The following ANO8 variants were observed in gnomAD, a reference collection of about 807,000 sequenced individuals.
ANO8 encodes the protein anoctamin-8.
A neutral mutation model predicts 120.4 loss-of-function variants in ANO8; 67 were observed. The ratio of observed to expected loss-of-function variants is 0.56; its 90% CI spans 0.46 to 0.68. ANO8 has a LOEUF of 0.68. ANO8 is among the 30% of genes least tolerant of loss of function. The probability of loss-of-function intolerance (pLI) is 0.00; values close to 1 mark genes in which losing one functional copy is unlikely to be tolerated. For missense variants in ANO8, 1,526 were observed against 1,737.6 expected (o/e 0.88, Z 2.16); for synonymous variants, 727 against 759.2 (o/e 0.96, Z 0.70).
Position 17,324,578 on chromosome 19 carries a change from G to T in ANO8, c.3331+139C>A, listed in dbSNP as rs1347792605. On this transcript the variant is annotated intron_variant, in intron 17 of 17. Coordinates refer to ENST00000159087, the MANE Select transcript of ANO8 (RefSeq NM_020959.3). The stretch of plus-strand genomic sequence containing the variant: ...GCAGGCTTTAACTGAGAGGCTCCAC[G>T]TACCACTGACCCAGGTCCCCACCAG... The T allele has an allele frequency of 5.0e-6, 7 of 1,398,962 alleles. No homozygotes were observed. In the East Asian group the frequency reaches 1.2e-4, roughly 24 times the overall value. The allele number at this position is 1,398,962 out of a possible 1,614,324, so 86.7% of individuals were successfully genotyped here.
At position 17,330,411 on chromosome 19, in the gene ANO8, G is replaced by A; in HGVS notation, c.1087C>T (p.Leu363=). The A allele has an allele frequency of 1.9e-6, 3 of 1,578,758 alleles. No homozygotes were observed. Among genetic ancestry groups the A allele is most frequent in the Non-Finnish European group, 2.6e-6 (3 of 1,162,728 alleles). The change falls in exon 9 of 18, where the codon CTG becomes TTG. Residue 363 remains leucine (L), a synonymous_variant. Transcript: ENST00000159087. ...ACACAGACGAGGCACGCCAGGCACA[G>A]GGGGAGGCTCACAAGCAGCTGGAAG... The part of the protein sequence containing the change: ...LLFQLLVSLP[L]CLACLVCVFL...
rs372622204 is a variant in ANO8, at chr19:17,327,710, C to T, written c.2397G>A (p.Val799=). The T allele has an allele frequency of 6.2e-6, 10 of 1,613,564 alleles. No individual in the cohort carries two copies. Among genetic ancestry groups the T allele is most frequent in the Non-Finnish European group, 8.5e-6 (10 of 1,179,804 alleles). Residue 799 remains valine (V), a synonymous_variant, in exon 14 of 18, where the codon GTG becomes GTA. Coordinates refer to ENST00000159087, the MANE Select transcript of ANO8 (RefSeq NM_020959.3). ...TGLQRPFGQR[V]ESIGQWQKVM... Reference sequence around the variant, plus strand: ...CCACCTGCCACTGGCCGATGCTTTCCACGCGCTGGCCGAAGGGCCGCTGCA... The same window carrying T: ...CCACCTGCCACTGGCCGATGCTTTCTACGCGCTGGCCGAAGGGCCGCTGCA...
In ANO8 at chr19:17,328,560, A is replaced by C; in HGVS notation, c.1828T>G (p.Cys610Gly). 6.5e-7 allele frequency: 1 copy of C among 1,547,706 alleles called. No homozygotes were observed. The highest frequency in any genetic ancestry group is 8.7e-7 in the Non-Finnish European group (1 of 1,146,838). ...CTGACCTTCTTCAGCCGGAGCCCGC[A>C]GTCCAGGAGGCCCCCTTCCTCGCCC... ...EEGEEGGLLD[C>G]GLRLKKVSFA... The change falls in exon 13 of 18, where the codon TGC (cysteine) becomes GGC (glycine). Residue 610 changes from cysteine (C) to glycine (G), a missense_variant. Cys to Gly is a radical substitution (Grantham distance 159). This residue lies in a region of ANO8 where 467 missense variants were observed against 425.8 expected (regional missense o/e 1.10). Transcript: ENST00000159087.
At chr19:17,334,431 A>C (rs2074345654) in intron 1 of ANO8, 134 bp downstream of exon 1, 1 of 785,674 alleles carries the variant, frequency 1.3e-6, no homozygotes. Flanking sequence ...CCGCAGCCGC[A>C]GTGCCGGGAG....
rs781078416 is a variant in ANO8 at position 17,332,924 on chromosome 19, G to A, written c.586+6C>T. On this transcript the variant is annotated splice_donor_region_variant and intron_variant, in intron 5 of 17. Coordinates refer to ENST00000159087, the MANE Select transcript of ANO8 (RefSeq NM_020959.3). Reference sequence around the variant, plus strand: ...CTGTGATTGGTGTTGACCCCGCCCTGCTCACTGATTGGCTGGTCCTCCAGG... The same window carrying A: ...CTGTGATTGGTGTTGACCCCGCCCTACTCACTGATTGGCTGGTCCTCCAGG... 8.1e-6 allele frequency: 13 copies of A among 1,613,952 alleles called. No homozygotes were observed. In the South Asian group the frequency reaches 1.1e-4, roughly 14 times the overall value.
At chr19:17,324,696 C>T (rs1170849593) in intron 17 of ANO8, 21 bp downstream of exon 17, 3 of 1,515,836 alleles carry the variant, frequency 2.0e-6, no homozygotes, top group Admixed American at 4.5e-5. Context: ...GCGTCCCCAC[C>T]CCCGAGTTAA....
rs1327403180 is a variant in ANO8 at position 17,330,845 on chromosome 19, G to T, written c.976C>A (p.Pro326Thr). 6.2e-7 allele frequency: 1 copy of T among 1,613,922 alleles called. No individual in the cohort carries two copies. Among genetic ancestry groups the T allele is most frequent in the Non-Finnish European group, 8.5e-7 (1 of 1,179,984 alleles). The change falls in exon 8 of 18, where the codon CCA becomes ACA. Residue 326 changes from proline to threonine, a missense_variant. This residue lies in a region of ANO8 where 322 missense variants were observed against 431.8 expected (regional missense o/e 0.75). Coordinates refer to ENST00000159087, the MANE Select transcript of ANO8 (RefSeq NM_020959.3). The part of the protein sequence containing the change: ...LDSPGEAVEE[P>T]RPQFRGVRRI... ...CAACTGACCCTGAACTGGGGGCGTG[G>T]CTCCTCCACGGCTTCCCCAGGTGAG... is the stretch of plus-strand genomic sequence containing the variant.
At position 17,324,854 on chromosome 19, in the gene ANO8, C is replaced by G. The variant is rs771379122; in HGVS notation, c.3194G>C (p.Gly1065Ala). ...FPFGGTRAEP[G>A]SNGAGGQARP... The stretch of plus-strand genomic sequence containing the variant: ...GGCCTGCCCGCCCGCCCCGTTGGAC[C>G]CAGGCTCAGCCCGGGTGCCACCAAA... Residue 1065 changes from glycine (G) to alanine (A), a missense_variant, in exon 17 of 18, where the codon GGG becomes GCG. Around this residue, in one of 8 missense-constraint regions of ANO8, gnomAD observed 489 missense variants for 548.6 expected, o/e 0.89. Coordinates refer to ENST00000159087, the MANE Select transcript of ANO8 (RefSeq NM_020959.3). 2.3e-5 allele frequency: 37 copies of G among 1,612,548 alleles called. No homozygotes were observed. The highest frequency in any genetic ancestry group is 3.1e-5 in the Non-Finnish European group (36 of 1,179,628).
intron 16 of ANO8, among the ~76,000 whole-genome samples, chr19:17,325,700 G>A (rs1366767531): frequency 1.3e-5 from 2 of 152,160 alleles, no homozygotes; most frequent in Non-Finnish European, 2.9e-5. Flanking sequence ...GGCTGAGATG[G>A]GAGGATCACT....
Position 17,323,580 on chromosome 19 carries a change from T to C in ANO8, c.3636A>G (p.Pro1212=). The C allele has an allele frequency of 9.9e-7, 1 of 1,009,542 alleles. No homozygotes were observed. The highest frequency in any genetic ancestry group is 1.2e-6 in the Non-Finnish European group (1 of 850,502). 62.5% of individuals were successfully genotyped at this position (1,009,542 alleles called of 1,614,324 possible). A position where few individuals can be genotyped will look rare whatever the true frequency, so the allele number is the denominator to read the frequency against. Residue 1212 remains proline, a synonymous_variant, in exon 18 of 18, where the codon CCA becomes CCG. Coordinates refer to ENST00000159087, the MANE Select transcript of ANO8 (RefSeq NM_020959.3). ...TGGGGCTGGGGCTAGGGGAGGGCGC[T>C]GGGGTCTCGAGGGGATCCGAGGTGG... ...LPPTSDPLET[P]APSPSPSPSP... is the part of the protein sequence containing the mutation.
Position 17,327,354 on chromosome 19 carries a change from G to A in ANO8, c.2551-9C>T. 2 of 1,549,658 alleles carry A rather than the reference G, an allele frequency of 1.3e-6. No individual in the cohort carries two copies. Among genetic ancestry groups the A allele is most frequent in the Non-Finnish European group, 1.7e-6 (2 of 1,145,518 alleles). ...AGGAGCAGAGCGAAGTGCTGCAGGGGTGGCAGAGAGGAGGCTGCAGGCTGC... is the reference window on the plus strand; with the variant it reads ...AGGAGCAGAGCGAAGTGCTGCAGGGATGGCAGAGAGGAGGCTGCAGGCTGC... On this transcript the variant is annotated splice_polypyrimidine_tract_variant and intron_variant, in intron 15 of 17. Coordinates refer to ENST00000159087, the MANE Select transcript of ANO8 (RefSeq NM_020959.3).
Position 17,334,551 on chromosome 19 carries a change from CG to C in ANO8, c.106+13del. The C allele has an allele frequency of 6.5e-7, 1 of 1,543,144 alleles. No individual in the cohort carries two copies. Among genetic ancestry groups the C allele is most frequent in the Admixed American group, 1.8e-5 (1 of 54,336 alleles). ...CACCTGCAACCCTGTCTGGTCCAGC[CG>C]CCGCACACATACCCAGAACTCCGGA... On this transcript the variant is annotated intron_variant, in intron 1 of 17. Coordinates refer to ENST00000159087, the MANE Select transcript of ANO8 (RefSeq NM_020959.3).
In ANO8 at chr19:17,323,783, G is replaced by T; in HGVS notation, c.3433C>A (p.Pro1145Thr). The T allele has an allele frequency of 8.6e-7, 1 of 1,165,736 alleles. No homozygotes were observed. Among genetic ancestry groups the T allele is most frequent in the African/African-American group, 1.6e-5 (1 of 61,548 alleles). 72.2% of individuals were successfully genotyped at this position (1,165,736 alleles called of 1,614,324 possible). ...PMPLPRPPTP[P>T]AGCWQWDGPW... ...CCGTCCCACTGCCAGCAGCCTGCGGGCGGTGTCGGGGGCCGGGGCAGCGGC... is the reference window on the plus strand; with the variant it reads ...CCGTCCCACTGCCAGCAGCCTGCGGTCGGTGTCGGGGGCCGGGGCAGCGGC... Residue 1145 changes from proline to threonine, a missense_variant, in exon 18 of 18, where the codon CCC becomes ACC. Coordinates refer to ENST00000159087, the MANE Select transcript of ANO8 (RefSeq NM_020959.3).
In ANO8 at chr19:17,327,249, G is replaced by A. The variant is rs1267091161; in HGVS notation, c.2647C>T (p.Arg883Cys). ...GGCCCCCCTACCTTAAAGGCCTCGC[G>A]GCGCTGGTACTCCAGCTTGGCCATT... The part of the protein sequence containing the change: ...EEMAKLEYQR[R>C]EAFKRHERQA... Residue 883 changes from arginine (R) to cysteine (C), a missense_variant, in exon 16 of 18, where the codon CGC becomes TGC. This residue lies in a region of ANO8 where 489 missense variants were observed against 548.6 expected (regional missense o/e 0.89). Transcript: ENST00000159087. 3 of 1,545,152 alleles carry A rather than the reference G, an allele frequency of 1.9e-6. No homozygotes were observed. The highest frequency in any genetic ancestry group is 2.6e-6 in the Non-Finnish European group (3 of 1,143,770).
rs965740949 is a variant in ANO8 at position 17,331,155 on chromosome 19, T to C, written c.764A>G (p.Tyr255Cys). 3.1e-6 allele frequency: 5 copies of C among 1,614,198 alleles called. No homozygotes were observed. In the Admixed American group the frequency reaches 5.0e-5, roughly 16 times the overall value. ...IAMYFAWLGF[Y>C]TSAMVYPAVF... is the part of the protein sequence containing the mutation. Reference sequence around the variant, plus strand: ...AGCTGGGTATACCATAGCCGACGTGTAGAAGCCCAGCCAGGCGAAGTACAT... The same window carrying C: ...AGCTGGGTATACCATAGCCGACGTGCAGAAGCCCAGCCAGGCGAAGTACAT... The change falls in exon 7 of 18, where the codon TAC becomes TGC. Residue 255 changes from tyrosine to cysteine, a missense_variant. Physicochemically the swap from Tyr to Cys is radical, Grantham distance 194. Transcript: ENST00000159087.
chr19:17,332,244 A>C (rs2074324522), intron 5 of ANO8, among the ~76,000 whole-genome samples: 1 of 83,218 alleles, frequency 1.2e-5, no homozygotes, highest in South Asian at 3.2e-4. Context: ...CTTATTTTTT[A>C]CTTTATTTAT....
At position 17,325,098 on chromosome 19, in the gene ANO8, G is replaced by A; in HGVS notation, c.2950C>T (p.Leu984=). The change falls in exon 17 of 18, where the codon CTG becomes TTG. Residue 984 remains leucine, a synonymous_variant. Transcript: ENST00000159087. ...CCTGACGAGAGGAATTTGCCCTGCAGTGGGATGATCTGCTTCAACTTCATG... is the reference window on the plus strand; with the variant it reads ...CCTGACGAGAGGAATTTGCCCTGCAATGGGATGATCTGCTTCAACTTCATG... ...NVMKLKQIIP[L]QGKFLSSGAT... The A allele has an allele frequency of 6.2e-7, 1 of 1,613,704 alleles. No individual in the cohort carries two copies. Among genetic ancestry groups the A allele is most frequent in the Admixed American group, 1.7e-5 (1 of 60,036 alleles).
rs770763087 is a variant in ANO8, at chr19:17,323,598, C to T, written c.3618G>A (p.Ser1206=). ...SLPPPPLPPT[S]DPLETPAPSP... ...AGGGCGCTGGGGTCTCGAGGGGATC[C>T]GAGGTGGGCGGTAGCGGTGGGGGCG... Residue 1206 remains serine, a synonymous_variant, in exon 18 of 18, where the codon TCG becomes TCA. Transcript: ENST00000159087. 3 of 991,634 alleles carry T rather than the reference C, an allele frequency of 3.0e-6. No individual in the cohort carries two copies. Among genetic ancestry groups the T allele is most frequent in the East Asian group, 8.4e-5 (1 of 11,872 alleles). 61.4% of individuals were successfully genotyped at this position (991,634 alleles called of 1,614,324 possible).
chr19:17,328,548 G>T lies in ANO8; in HGVS notation c.1840C>A (p.Leu614Met). ...EGGLLDCGLR[L>M]KKVSFAERGA... ...CGCTCAGCGAAGCTGACCTTCTTCAGCCGGAGCCCGCAGTCCAGGAGGCCC... is the reference window on the plus strand; with the variant it reads ...CGCTCAGCGAAGCTGACCTTCTTCATCCGGAGCCCGCAGTCCAGGAGGCCC... The change falls in exon 13 of 18, where the codon CTG (leucine) becomes ATG (methionine). Residue 614 changes from leucine (L) to methionine (M), a missense_variant. Physicochemically the swap from Leu to Met is conservative, Grantham distance 15. Transcript: ENST00000159087. The T allele has an allele frequency of 6.5e-7, 1 of 1,548,380 alleles. No individual in the cohort carries two copies.
Sources: allele counts gnomAD v4.1 joint callset (sites outside exome capture counted in the v4.1 genomes callset), GRCh38; gene constraint gnomAD v4.1.1; regional missense constraint gnomAD v4.1.1; transcripts MANE v1.5; gene names NCBI Gene and HGNC (gene_info 2026-07-23, HGNC 2026-07-21).